TENM1: variants seen among roughly 807,000 people sequenced by gnomAD.
TENM1 encodes teneurin transmembrane protein 1, also known as teneurin-1.
A neutral mutation model predicts 174.8 loss-of-function variants in TENM1; 35 were observed. That is an observed-to-expected ratio of 0.20 (90% CI 0.15 to 0.27). The LOEUF is 0.27. TENM1 is among the 10% of genes least tolerant of loss of function. The probability of loss-of-function intolerance (pLI) is 1.00; values close to 1 mark genes in which losing one functional copy is unlikely to be tolerated. For missense variants in TENM1, 1,633 were observed against 2,130.1 expected (o/e 0.77, Z 4.59); for synonymous variants, 781 against 798.7 (o/e 0.98, Z 0.37).
At chrX:124,453,548 C>T in intron 22 of TENM1, 57 bp from the exon 26 acceptor site, 1 of 1,076,647 alleles carries the variant, frequency 9.3e-7, no homozygotes. Flanking sequence ...TTGCACTAAG[C>T]TCTGTATTTT....
At chrX:124,716,778 A>G in intron 4 of TENM1, among the ~76,000 whole-genome samples, 1 of 111,729 alleles carries the variant, frequency 9.0e-6, no homozygotes, top group Non-Finnish European at 1.9e-5. Flanking sequence ...AAAAGGAAAG[A>G]AAGCCTCAGA....
At chrX:124,675,790 G>A (rs1426596227) in intron 5 of TENM1, among the ~76,000 whole-genome samples, 1 of 110,140 alleles carries the variant, frequency 9.1e-6, no homozygotes, top group Non-Finnish European at 1.9e-5. Context: ...ACAAGATAAC[G>A]TTGGGTAGTT....
the TENM1 span, among the ~76,000 whole-genome samples, chrX:125,168,690 C>G: frequency 3.6e-5 from 4 of 110,827 alleles, no homozygotes; most frequent in South Asian, 3.8e-4. Flanking sequence ...GACTATCGGT[C>G]TCAATTACCA....
At chrX:124,703,126 A>G (rs1052638919) in intron 5 of TENM1, among the ~76,000 whole-genome samples, 9 of 111,808 alleles carry the variant, frequency 8.0e-5, no homozygotes, top group African/African-American at 2.9e-4. Flanking sequence ...TTCTTCTAAC[A>G]ATCCTATGCT....
chrX:124,996,585 C>T, the TENM1 span, among the ~76,000 whole-genome samples: 5 of 106,523 alleles, frequency 4.7e-5, no homozygotes, highest in Non-Finnish European at 9.7e-5. Context: ...TTTTATCCAC[C>T]CAGAATAATA....
Position 124,487,235 on chromosome X carries a change from G to T in TENM1, c.3696-6C>A. On this transcript the variant is annotated splice_region_variant and splice_polypyrimidine_tract_variant and intron_variant, in intron 20 of 31. Coordinates refer to ENST00000422452, the Ensembl canonical transcript of TENM1. ...TATGTCTGGTATCTCTGTTTCTAGGGTGCACAAGGTATCCACGAGTGGCAA... is the reference window on the plus strand; with the variant it reads ...TATGTCTGGTATCTCTGTTTCTAGGTTGCACAAGGTATCCACGAGTGGCAA... 1.7e-6 allele frequency: 2 copies of T among 1,165,201 alleles called. No homozygotes were observed. Among genetic ancestry groups the T allele is most frequent in the Non-Finnish European group, 1.1e-6 (1 of 871,401 alleles).
chrX:124,443,938 A>T (rs1020820056), intron 23 of TENM1, among the ~76,000 whole-genome samples: 2 of 112,083 alleles, frequency 1.8e-5, no homozygotes, highest in African/African-American at 3.2e-5. Flanking sequence ...ATGAAACACT[A>T]CTCACCCTCA....
chrX:124,584,232 G>A (rs1327720506), intron 11 of TENM1, among the ~76,000 whole-genome samples: 2 of 109,534 alleles, frequency 1.8e-5, no homozygotes, highest in African/African-American at 6.7e-5. Context: ...ACACATAATT[G>A]TCAGATTCAC....
At chrX:124,591,258 T>C (rs2049734025) in intron 11 of TENM1, among the ~76,000 whole-genome samples, 1 of 111,740 alleles carries the variant, frequency 8.9e-6, no homozygotes, top group South Asian at 3.8e-4. Context: ...ATGTGAGGTT[T>C]TGATCCTATC....
chrX:124,987,439 C>T, the TENM1 span, among the ~76,000 whole-genome samples: 1 of 111,462 alleles, frequency 9.0e-6, no homozygotes, highest in Middle Eastern at 4.2e-3. Context: ...TATGTTATTA[C>T]AGCCACTAAA....
chrX:124,743,041 G>T (rs966921678), intron 3 of TENM1, among the ~76,000 whole-genome samples: 1 of 111,373 alleles, frequency 9.0e-6, no homozygotes, highest in African/African-American at 3.3e-5. Flanking sequence ...CTACTTAATG[G>T]TATTTTACCT....
intron 4 of TENM1, among the ~76,000 whole-genome samples, chrX:124,728,228 T>A (rs1016916151): frequency 3.6e-5 from 4 of 111,318 alleles, no homozygotes; most frequent in Non-Finnish European, 5.7e-5. Context: ...TAAGGAAGGA[T>A]AATATGGAAG....
intron 23 of TENM1, among the ~76,000 whole-genome samples, chrX:124,447,617 T>G (rs1214630708): frequency 8.9e-6 from 1 of 112,018 alleles, no homozygotes; most frequent in Non-Finnish European, 1.9e-5. Flanking sequence ...AAAAAGCACC[T>G]CATTTTTTAT....
At chrX:125,161,835 T>TCCAGAC in the TENM1 span, among the ~76,000 whole-genome samples, 2 of 112,099 alleles carry the variant, frequency 1.8e-5, no homozygotes, top group Admixed American at 9.5e-5. Context: ...AAAGTCTAGT[T>TCCAGAC]CCAGACCCAG....
chrX:124,943,532 A>C (rs776995636), intron 1 of TENM1, among the ~76,000 whole-genome samples: 1 of 112,545 alleles, frequency 8.9e-6, no homozygotes, highest in South Asian at 3.6e-4. Context: ...GAGTTTTATA[A>C]AGCGGTGCTG....
intron 23 of TENM1, among the ~76,000 whole-genome samples, chrX:124,437,941 C>G (rs763413560): frequency 7.1e-5 from 8 of 112,405 alleles, no homozygotes; most frequent in Admixed American, 1.9e-4. Context: ...AGCCAAATAA[C>G]TTTCTCTTTG....
rs5958569 is a variant in TENM1, at chrX:124,731,993, T to C, written c.776+4964A>G. 1.0e-3 allele frequency among the ~76,000 whole-genome samples: 115 copies of C among 111,853 alleles called. 2 individuals are homozygous for C. The highest frequency in any genetic ancestry group is 3.6e-3 in the African/African-American group (111 of 30,793). ...AACTTACATAAAAAAGAGGGAAGCA[T>C]ACCTAACAAGCCTACAGATGACATA... On this transcript the variant is annotated intron_variant, in intron 4 of 31. Transcript: ENST00000422452.
At chrX:124,927,516 C>T (rs960429632) in intron 1 of TENM1, among the ~76,000 whole-genome samples, 1 of 112,035 alleles carries the variant, frequency 8.9e-6, no homozygotes, top group East Asian at 2.8e-4. Context: ...CAGTGTAACA[C>T]AAATATTTAG....
the TENM1 span, among the ~76,000 whole-genome samples, chrX:125,137,705 T>C: frequency 9.0e-6 from 1 of 111,722 alleles, no homozygotes; most frequent in African/African-American, 3.3e-5. Context: ...ATGAGAACCA[T>C]GCTGAACAGA....
Sources: gnomAD v4.1 joint callset for allele counts (sites outside exome capture counted in the v4.1 genomes callset) on GRCh38, gnomAD v4.1.1 for gene constraint, MANE v1.5 for transcripts, NCBI Gene and HGNC (gene_info 2026-07-23, HGNC 2026-07-21) for gene names.